FMNL2: variants seen among roughly 807,000 people sequenced by gnomAD.
The protein encoded by FMNL2 is formin-like protein 2.
FMNL2 carries 51 observed loss-of-function variants against 130.2 expected under a neutral mutation model. The ratio of observed to expected loss-of-function variants is 0.39; its 90% CI spans 0.31 to 0.49. The LOEUF (loss-of-function observed/expected upper bound fraction) is 0.49, where lower values mean the gene tolerates loss of function less well. Among genes scored for constraint, FMNL2 ranks in the 20% least tolerant of loss-of-function variants. The probability of loss-of-function intolerance (pLI) is 0.85; values close to 1 mark genes in which losing one functional copy is unlikely to be tolerated. For missense variants in FMNL2, 977 were observed against 1,316.2 expected, an observed-to-expected ratio of 0.74 and a Z score of 3.99; for synonymous variants, 465 against 467.1, an observed-to-expected ratio of 1.00 and a Z score of 0.06.
chr2:152,433,556 AC>A (rs1228770254), intron 1 of FMNL2, among the ~76,000 whole-genome samples: 2 of 152,184 alleles, frequency 1.3e-5, no homozygotes, highest in Non-Finnish European at 2.9e-5. Flanking sequence ...AATGTAGTCT[AC>A]CGTGGACATC....
At chr2:152,345,974 A>C (rs932038157) in intron 1 of FMNL2, among the ~76,000 whole-genome samples, 1 of 151,746 alleles carries the variant, frequency 6.6e-6, no homozygotes, top group South Asian at 2.1e-4. Flanking sequence ...ACCAGGTCTC[A>C]TTTCTCATTT....
chr2:152,336,441 C>A (rs553651586), intron 1 of FMNL2, among the ~76,000 whole-genome samples: 1 of 152,224 alleles, frequency 6.6e-6, no homozygotes, highest in Non-Finnish European at 1.5e-5. Flanking sequence ...GTGTTGCGAG[C>A]TGTCCTGACT....
rs754045322 is a variant in FMNL2 at position 152,640,870 on chromosome 2, A to T, written c.3125A>T (p.His1042Leu). 2 of 1,613,888 alleles carry T rather than the reference A, an allele frequency of 1.2e-6. No individual in the cohort carries two copies. The highest frequency in any genetic ancestry group is 1.3e-5 in the African/African-American group (1 of 75,062). ...AGACGACAAGTTAAAGATAACAGAC[A>T]TGTATATGAGGGAAAAGATGGTGCC... ...LRRRQVKDNRHVYEGKDGAIE... is the reference protein window; with the variant it reads ...LRRRQVKDNRLVYEGKDGAIE... Residue 1042 changes from histidine (H) to leucine (L), a missense_variant, in exon 25 of 26, where the codon CAT becomes CTT. Around this residue, in one of 4 missense-constraint regions of FMNL2, gnomAD observed 168 missense variants for 168.8 expected, o/e 1.00. Coordinates refer to ENST00000288670, the MANE Select transcript of FMNL2 (RefSeq NM_052905.4).
At chr2:152,397,164 T>C (rs929908618) in intron 1 of FMNL2, among the ~76,000 whole-genome samples, 1 of 152,256 alleles carries the variant, frequency 6.6e-6, no homozygotes, top group Non-Finnish European at 1.5e-5. Context: ...AATCCTGCTT[T>C]GCTTGGGATA....
At chr2:152,458,715 CTG>C (rs1452740742) in intron 1 of FMNL2, among the ~76,000 whole-genome samples, 1 of 152,176 alleles carries the variant, frequency 6.6e-6, no homozygotes, top group African/African-American at 2.4e-5. Flanking sequence ...GAAACGGCCT[CTG>C]TGGGTGATGC....
chr2:152,397,648 C>A (rs1393924872), intron 1 of FMNL2, among the ~76,000 whole-genome samples: 5 of 152,122 alleles, frequency 3.3e-5, no homozygotes, highest in Non-Finnish European at 7.3e-5. Context: ...TTCTCCCTCT[C>A]TTCCTCCTTT....
chr2:152,603,835 T>C (rs1415597638), intron 9 of FMNL2, among the ~76,000 whole-genome samples: 2 of 151,064 alleles, frequency 1.3e-5, no homozygotes, highest in Non-Finnish European at 3.0e-5. Context: ...GTTGCTCAGT[T>C]AGAAGTTGAA....
chr2:152,399,020 G>A (rs749030762), intron 1 of FMNL2, among the ~76,000 whole-genome samples: 7 of 152,196 alleles, frequency 4.6e-5, no homozygotes, highest in Non-Finnish European at 8.8e-5. Context: ...TGGTGGCCAC[G>A]GAGACAGGAA....
intron 4 of FMNL2, among the ~76,000 whole-genome samples, chr2:152,550,400 G>T (rs753666491): frequency 6.6e-6 from 1 of 152,184 alleles, no homozygotes; most frequent in Non-Finnish European, 1.5e-5. Context: ...CTGGAAATGG[G>T]CTATAGAACA....
chr2:152,504,253 G>A (rs530256776), intron 1 of FMNL2, among the ~76,000 whole-genome samples: 2 of 150,896 alleles, frequency 1.3e-5, no homozygotes, highest in African/African-American at 4.8e-5. Context: ...CCACATGCAG[G>A]GAGGCTTTTT....
chr2:152,636,633 A>G (rs933721527), intron 22 of FMNL2, 43 bp downstream of exon 22: 35 of 1,540,422 alleles, frequency 2.3e-5, no homozygotes, highest in Non-Finnish European at 3.1e-5. Flanking sequence ...GGCTGCATCC[A>G]TTAAAGCTGC....
At chr2:152,542,288 T>A (rs1430665357) in intron 2 of FMNL2, among the ~76,000 whole-genome samples, 1 of 152,198 alleles carries the variant, frequency 6.6e-6, no homozygotes, top group East Asian at 1.9e-4. Context: ...CTTTTGTTAT[T>A]TTCAAAGATA....
chr2:152,517,654 A>G (rs1230446853), intron 1 of FMNL2, among the ~76,000 whole-genome samples: 1 of 152,232 alleles, frequency 6.6e-6, no homozygotes, highest in Non-Finnish European at 1.5e-5. Context: ...TTTTACAGAA[A>G]TAATACTCTT....
intron 1 of FMNL2, among the ~76,000 whole-genome samples, chr2:152,520,839 C>T (rs533420492): frequency 2.6e-5 from 4 of 152,150 alleles, no homozygotes; most frequent in Non-Finnish European, 5.9e-5. Context: ...AAGACAATAA[C>T]CATGACCAGG....
intron 2 of FMNL2, among the ~76,000 whole-genome samples, chr2:152,536,268 A>G (rs955742466): frequency 1.3e-5 from 2 of 152,176 alleles, no homozygotes; most frequent in African/African-American, 4.8e-5. Context: ...TCTCCCTGTT[A>G]CTTGTGTCAG....
chr2:152,511,512 C>T (rs1692495196), intron 1 of FMNL2, among the ~76,000 whole-genome samples: 1 of 152,160 alleles, frequency 6.6e-6, no homozygotes, highest in African/African-American at 2.4e-5. Flanking sequence ...CAAAAATATT[C>T]ATTTTTAAGA....
intron 4 of FMNL2, among the ~76,000 whole-genome samples, chr2:152,552,158 A>G (rs1320789758): frequency 6.6e-6 from 1 of 152,256 alleles, no homozygotes; most frequent in Non-Finnish European, 1.5e-5. Context: ...CAGGAATATT[A>G]TAAGGATTAG....
At chr2:152,462,996 T>C (rs2105136424) in intron 1 of FMNL2, among the ~76,000 whole-genome samples, 1 of 152,344 alleles carries the variant, frequency 6.6e-6, no homozygotes, top group East Asian at 1.9e-4. Flanking sequence ...ACAGATTCGT[T>C]ATCCTCTAAG....
chr2:152,408,119 T>A (rs978870032), intron 1 of FMNL2, among the ~76,000 whole-genome samples: 1 of 152,234 alleles, frequency 6.6e-6, no homozygotes, highest in Non-Finnish European at 1.5e-5. Flanking sequence ...CAGCTCAGAA[T>A]AAGGTACATA....
Sources: allele counts gnomAD v4.1 joint callset (sites outside exome capture counted in the v4.1 genomes callset), GRCh38; gene constraint gnomAD v4.1.1; regional missense constraint gnomAD v4.1.1; transcripts MANE v1.5; gene names NCBI Gene and HGNC (gene_info 2026-07-23, HGNC 2026-07-21).